Variants in USP35 observed in about 807,000 individuals in gnomAD.
USP35 encodes ubiquitin specific peptidase 35, also known as ubiquitin carboxyl-terminal hydrolase 35.
Under a neutral mutation model 83.8 loss-of-function variants are expected in USP35, and 69 were observed. That is an observed-to-expected ratio of 0.82 (90% confidence interval 0.68 to 1.01). The LOEUF is 1.01. Ranked by LOEUF, USP35 falls within the 50% of genes least tolerant of loss-of-function variation. The probability of loss-of-function intolerance (pLI) is 0.00; values close to 1 mark genes in which losing one functional copy is unlikely to be tolerated. For synonymous variants in USP35, 714 were observed against 589.5 expected, an observed-to-expected ratio of 1.21 and a Z score of -3.06; for missense variants, 1,503 against 1,362.5, an observed-to-expected ratio of 1.10 and a Z score of -1.62.
At chr11:78,228,276 G>T in the USP35 span, among the ~76,000 whole-genome samples, 1 of 152,216 alleles carries the variant, frequency 6.6e-6, no homozygotes, top group East Asian at 1.9e-4. Context: ...AGCAAGCAGG[G>T]ATTTAGGTCT....
At chr11:78,225,184 T>C in the USP35 span, 1 of 1,610,652 alleles carries the variant, frequency 6.2e-7, no homozygotes, top group Non-Finnish European at 8.5e-7. Context: ...TGGGTACTCG[T>C]AGGTCTCACA....
chr11:78,194,877 A>G (rs1201660984), intron 1 of USP35, among the ~76,000 whole-genome samples: 5 of 152,172 alleles, frequency 3.3e-5, no homozygotes, highest in Admixed American at 3.3e-4. Context: ...GACCCCAATC[A>G]AGAAATCATG....
chr11:78,197,977 C>A lies in USP35; in HGVS notation c.715C>A (p.His239Asn). The stretch of plus-strand genomic sequence containing the variant: ...TAGCGCCCTGGCCAGCGTGGTCCAG[C>A]ACCTCCCATTGGAGCTCATGGATGG... ...PSSALASVVQ[H>N]LPLELMDGVV... The change falls in exon 3 of 11, where the codon CAC becomes AAC. Residue 239 changes from histidine to asparagine, a missense_variant. His to Asn is a moderately conservative substitution (Grantham distance 68). Coordinates refer to ENST00000529308, the MANE Select transcript of USP35 (RefSeq NM_020798.4). The A allele has an allele frequency of 6.2e-7, 1 of 1,614,244 alleles. No individual in the cohort carries two copies. The highest frequency in any genetic ancestry group is 1.1e-5 in the South Asian group (1 of 91,092).
chr11:78,216,743 G>A (rs1864168219), downstream of USP35: 1 of 152,392 alleles, frequency 6.6e-6, no homozygotes, highest in East Asian at 1.9e-4. Flanking sequence ...TTTATGGGAG[G>A]CTGCAATAGT....
At chr11:78,206,251 T>C (rs1863527362) in intron 7 of USP35, among the ~76,000 whole-genome samples, 1 of 152,218 alleles carries the variant, frequency 6.6e-6, no homozygotes, top group Non-Finnish European at 1.5e-5. Flanking sequence ...CTTAAGGGGC[T>C]GGGCAGCCCT....
At chr11:78,216,189 C>A (rs1239358710), downstream of USP35, 2 of 152,494 alleles carry the variant, frequency 1.3e-5, no homozygotes, top group African/African-American at 2.4e-5. Flanking sequence ...TAAGGAGACA[C>A]CATCTCCCTA....
At position 78,209,587 on chromosome 11, in the gene USP35, ATCTGCTGTC is replaced by A; in HGVS notation, c.1740_1748del (p.Cys582_Leu584del). ...GTTTGGAGGCAAGATAGTGACTCGG[ATCTGCTGTC>A]TCTGCTGCCTCAACGTCTCCTCCCG... On this transcript the variant is annotated inframe_deletion, in exon 10 of 11. Transcript: ENST00000529308. 6.2e-7 allele frequency: 1 copy of A among 1,614,100 alleles called. No individual in the cohort carries two copies. The highest frequency in any genetic ancestry group is 8.5e-7 in the Non-Finnish European group (1 of 1,180,002).
At chr11:78,231,150 A>G in the USP35 span, among the ~76,000 whole-genome samples, 68 of 152,320 alleles carry the variant, frequency 4.5e-4, no homozygotes, top group Middle Eastern at 6.8e-3. Flanking sequence ...TGGAGCAGGA[A>G]GATACTCAAA....
At chr11:78,221,590 A>G in the USP35 span, 1 of 716,980 alleles carries the variant, frequency 1.4e-6, no homozygotes, top group African/African-American at 1.8e-5. Flanking sequence ...GGCTGAGGTG[A>G]GTTAGCTAAG....
chr11:78,228,383 T>A, the USP35 span, among the ~76,000 whole-genome samples: 1 of 152,236 alleles, frequency 6.6e-6, no homozygotes, highest in Non-Finnish European at 1.5e-5. Context: ...TTGGAGGCTA[T>A]AGGAGTTTTT....
the USP35 span, among the ~76,000 whole-genome samples, chr11:78,228,234 AGTGCT>A: frequency 6.6e-6 from 1 of 152,202 alleles, no homozygotes; most frequent in Non-Finnish European, 1.5e-5. Flanking sequence ...GTTCTCTGTA[AGTGCT>A]TTGGGAAATT....
Position 78,196,943 on chromosome 11 carries a change from C to G in USP35, c.673+25C>G. ...GGTGCGTGTGCGGCCGGGGCAGGAGCGCGGGCATGCGGAGGTCCTGGGTGG... is the reference window on the plus strand; with the variant it reads ...GGTGCGTGTGCGGCCGGGGCAGGAGGGCGGGCATGCGGAGGTCCTGGGTGG... On this transcript the variant is annotated intron_variant, in intron 2 of 10. Coordinates refer to ENST00000529308, the MANE Select transcript of USP35 (RefSeq NM_020798.4). The surrounding 1 kb of genome is among the most constrained non-coding windows in gnomAD (Gnocchi z 4.8). 1.4e-6 allele frequency: 2 copies of G among 1,431,436 alleles called. No individual in the cohort carries two copies. Among genetic ancestry groups the G allele is most frequent in the Non-Finnish European group, 1.8e-6 (2 of 1,096,304 alleles). 88.7% of individuals were successfully genotyped at this position (1,431,436 alleles called of 1,614,324 possible).
In USP35 at chr11:78,196,256, T is replaced by A; in HGVS notation, c.11T>A (p.Ile4Asn). 1 of 1,593,162 alleles carries A rather than the reference T, an allele frequency of 6.3e-7. No homozygotes were observed. Among genetic ancestry groups the A allele is most frequent in the Non-Finnish European group, 8.5e-7 (1 of 1,176,654 alleles). MDK[I>N]LEAVVTSSYP... The stretch of plus-strand genomic sequence containing the variant: ...CGCAGCGCGGGCGCCATGGACAAGA[T>A]CTTGGAGGCGGTGGTGACGTCGTCA... The change falls in exon 2 of 11, where the codon ATC becomes AAC. Residue 4 changes from isoleucine (I) to asparagine (N), a missense_variant. Coordinates refer to ENST00000529308, the MANE Select transcript of USP35 (RefSeq NM_020798.4). This position sits in a 1 kb window ranked among gnomAD's most constrained non-coding sequence, Gnocchi z 4.8.
chr11:78,213,974 G>A lies in USP35; in HGVS notation c.*161G>A. ...CACAGAGATTCTCTCAGATATGGAA[G>A]TAAGACCTAAGTCCCTTTCATTGGG... is the stretch of plus-strand genomic sequence containing the variant. On this transcript the variant is annotated 3_prime_UTR_variant, in exon 11 of 11. Transcript: ENST00000529308. 1.3e-6 allele frequency: 1 copy of A among 762,726 alleles called. No individual in the cohort carries two copies. The highest frequency in any genetic ancestry group is 1.9e-6 in the Non-Finnish European group (1 of 524,454). 47.2% of individuals were successfully genotyped at this position (762,726 alleles called of 1,614,324 possible).
At position 78,197,999 on chromosome 11, in the gene USP35, A is replaced by G. The variant is rs1469468147; in HGVS notation, c.737A>G (p.Asp246Gly). 5 of 1,614,062 alleles carry G rather than the reference A, an allele frequency of 3.1e-6. No homozygotes were observed. Among genetic ancestry groups the G allele is most frequent in the Non-Finnish European group, 4.2e-6 (5 of 1,180,024 alleles). ...VVQHLPLELM[D>G]GVVRNLSNDD... is the part of the protein sequence containing the mutation. ...CAGCACCTCCCATTGGAGCTCATGG[A>G]TGGTGTTGTCCGGAACCTCAGCAAT... The change falls in exon 3 of 11, where the codon GAT becomes GGT. Residue 246 changes from aspartate to glycine, a missense_variant. Asp to Gly is a moderately conservative substitution (Grantham distance 94, BLOSUM62 -1). Transcript: ENST00000529308.
At position 78,196,965 on chromosome 11, in the gene USP35, G is replaced by A; in HGVS notation, c.673+47G>A. 7.0e-7 allele frequency: 1 copy of A among 1,427,200 alleles called. No homozygotes were observed. Among genetic ancestry groups the A allele is most frequent in the Non-Finnish European group, 9.1e-7 (1 of 1,095,448 alleles). The allele number at this position is 1,427,200 out of a possible 1,614,324, so 88.4% of individuals were successfully genotyped here. ...GAGCGCGGGCATGCGGAGGTCCTGG[G>A]TGGGCGCTTGGGTAGGTGGCTGTAC... On this transcript the variant is annotated intron_variant, in intron 2 of 10. Transcript: ENST00000529308. This position sits in a 1 kb window ranked among gnomAD's most constrained non-coding sequence, Gnocchi z 4.8.
chr11:78,212,177 C>G, intron 10 of USP35, among the ~76,000 whole-genome samples: 1 of 152,178 alleles, frequency 6.6e-6, no homozygotes, highest in Non-Finnish European at 1.5e-5. Flanking sequence ...GTTCTTCCAG[C>G]AACATTTATT....
intron 10 of USP35, among the ~76,000 whole-genome samples, chr11:78,211,492 T>C (rs1004099147): frequency 2.6e-5 from 4 of 152,212 alleles, no homozygotes; most frequent in Non-Finnish European, 4.4e-5. Flanking sequence ...CTGGGTCAAA[T>C]GGTATTTCTG....
Position 78,214,532 on chromosome 11 carries a change from AGTGTGGGCTCTTAG to A in USP35, c.*721_*734del. On this transcript the variant is annotated 3_prime_UTR_variant, in exon 11 of 11. Coordinates refer to ENST00000529308, the MANE Select transcript of USP35 (RefSeq NM_020798.4). ...GCAAAGGTGTTCATGTTCCTTGTGAAGTGTGGGCTCTTAGGAAGCCTGTGGGCTCCTCTGAGCAG... is the reference window on the plus strand; with the variant it reads ...GCAAAGGTGTTCATGTTCCTTGTGAAGAAGCCTGTGGGCTCCTCTGAGCAG... 1 of 152,140 alleles carries A rather than the reference AGTGTGGGCTCTTAG, an allele frequency of 6.6e-6. No homozygotes were observed. Among genetic ancestry groups the A allele is most frequent in the South Asian group, 2.1e-4 (1 of 4,828 alleles). The allele number at this position is 152,140 out of a possible 1,614,324, so 9.4% of individuals were successfully genotyped here.
Sources: allele counts gnomAD v4.1 joint callset (sites outside exome capture counted in the v4.1 genomes callset), GRCh38; gene constraint gnomAD v4.1.1; non-coding constraint Gnocchi (gnomAD v3.1); transcripts MANE v1.5; gene names NCBI Gene and HGNC (gene_info 2026-07-23, HGNC 2026-07-21).